The following FNIP2 variants were observed in gnomAD, a reference collection of about 807,000 sequenced individuals.
FNIP2 encodes folliculin interacting protein 2.
A neutral mutation model predicts 108.7 loss-of-function variants in FNIP2; 32 were observed. That is an observed-to-expected ratio of 0.29 (90% confidence interval 0.22 to 0.40). The LOEUF is 0.40. Among genes scored for constraint, FNIP2 ranks in the 10% least tolerant of loss-of-function variants. The pLI, the probability that FNIP2 is intolerant of heterozygous loss-of-function variation, is 1.00. For missense variants in FNIP2, 1,202 were observed against 1,381.6 expected, an observed-to-expected ratio of 0.87 and a Z score of 2.06; for synonymous variants, 480 against 496.7, an observed-to-expected ratio of 0.97 and a Z score of 0.45.
intron 1 of FNIP2, among the ~76,000 whole-genome samples, chr4:158,804,565 A>C (rs1776874946): frequency 6.6e-6 from 1 of 152,014 alleles, no homozygotes; most frequent in African/African-American, 2.4e-5. Flanking sequence ...GGCGCATGCC[A>C]CTACTCCTGG....
chr4:158,883,079 A>T (rs560150876), intron 14 of FNIP2, among the ~76,000 whole-genome samples: 4 of 152,054 alleles, frequency 2.6e-5, no homozygotes, highest in East Asian at 2.0e-4. Flanking sequence ...CAAAAAAAAT[A>T]AAATAAATAA....
rs1782544332 is a variant in FNIP2, at chr4:158,894,921, T to C, written c.3151-829T>C. Among the ~76,000 whole-genome samples, 4 of 152,228 alleles carry C rather than the reference T, an allele frequency of 2.6e-5. No homozygotes were observed. In the South Asian group the frequency reaches 8.3e-4, roughly 32 times the overall value. On this transcript the variant is annotated intron_variant, in intron 15 of 16. Transcript: ENST00000264433. Reference sequence around the variant, plus strand: ...GTCAAGATCAACATTTTCAAATGCATCTGTTAATCTTTTTACCTTGAAAAT... The same window carrying C: ...GTCAAGATCAACATTTTCAAATGCACCTGTTAATCTTTTTACCTTGAAAAT...
At chr4:158,783,575 G>A (rs994774211) in intron 1 of FNIP2, among the ~76,000 whole-genome samples, 5 of 152,136 alleles carry the variant, frequency 3.3e-5, no homozygotes, top group African/African-American at 1.2e-4. Context: ...GACCAACTCT[G>A]CCTGAAGCAC....
At chr4:158,808,921 C>T (rs779376551) in intron 1 of FNIP2, among the ~76,000 whole-genome samples, 3 of 152,076 alleles carry the variant, frequency 2.0e-5, no homozygotes, top group South Asian at 2.1e-4. Flanking sequence ...GTAAAACAGA[C>T]GGAAACAGTG....
intron 14 of FNIP2, among the ~76,000 whole-genome samples, chr4:158,881,569 G>C (rs1781634198): frequency 6.6e-6 from 1 of 150,498 alleles, no homozygotes; most frequent in South Asian, 2.1e-4. Context: ...TCCTGCCTCA[G>C]CCTGCCAAGT....
chr4:158,801,340 G>A (rs928154431), intron 1 of FNIP2, among the ~76,000 whole-genome samples: 2 of 152,196 alleles, frequency 1.3e-5, no homozygotes, highest in African/African-American at 2.4e-5. Context: ...TCAGAGGACT[G>A]AATTAGTGAG....
At chr4:158,904,431 T>TTAAAG in intron 16 of FNIP2, 35 bp from the exon 17 acceptor site, 1 of 1,530,154 alleles carries the variant, frequency 6.5e-7, no homozygotes, top group Non-Finnish European at 9.0e-7. Flanking sequence ...CCATGCTCTT[T>TTAAAG]TAAAGTAATA....
chr4:158,806,013 A>G (rs1776935436), intron 1 of FNIP2: 3 of 584,588 alleles, frequency 5.1e-6, no homozygotes, highest in Admixed American at 1.0e-4. Context: ...TGGCAGGCTT[A>G]ATTTACGTAA....
chr4:158,859,075 C>A lies in FNIP2; in HGVS notation c.876C>A (p.Phe292Leu). The A allele has an allele frequency of 6.2e-7, 1 of 1,613,918 alleles. No individual in the cohort carries two copies. The highest frequency in any genetic ancestry group is 8.5e-7 in the Non-Finnish European group (1 of 1,179,838). Reference protein sequence around the residue: ...IIPRRSTDETFSLAEETCSSN... With the variant: ...IIPRRSTDETLSLAEETCSSN... ...CCTCCAGGTCAACTGATGAGACATTCAGCTTGGCTGAAGAAACCTGTAGCT... is the reference window on the plus strand; with the variant it reads ...CCTCCAGGTCAACTGATGAGACATTAAGCTTGGCTGAAGAAACCTGTAGCT... The change falls in exon 9 of 17, where the codon TTC becomes TTA. Residue 292 changes from phenylalanine to leucine, a missense_variant. Physicochemically the swap from Phe to Leu is conservative, Grantham distance 22. Coordinates refer to ENST00000264433, the MANE Select transcript of FNIP2 (RefSeq NM_020840.3).
intron 1 of FNIP2, among the ~76,000 whole-genome samples, chr4:158,785,371 A>G (rs1444761989): frequency 6.6e-6 from 1 of 152,120 alleles, no homozygotes; most frequent in East Asian, 1.9e-4. Flanking sequence ...GGCATGAGCC[A>G]CCGCGCCTGG....
intron 1 of FNIP2, among the ~76,000 whole-genome samples, chr4:158,786,222 G>A (rs1403773823): frequency 2.0e-5 from 3 of 152,178 alleles, no homozygotes; most frequent in African/African-American, 7.2e-5. Flanking sequence ...TTGCTGAAAA[G>A]ACCACTCTGT....
intron 7 of FNIP2, among the ~76,000 whole-genome samples, chr4:158,845,027 A>G (rs1779323675): frequency 6.6e-6 from 1 of 152,226 alleles, no homozygotes; most frequent in African/African-American, 2.4e-5. Flanking sequence ...CAGATATAAA[A>G]TGTTAACAGT....
intron 7 of FNIP2, among the ~76,000 whole-genome samples, chr4:158,849,510 G>A (rs769482554): frequency 5.3e-5 from 8 of 152,188 alleles, no homozygotes; most frequent in Non-Finnish European, 1.0e-4. Flanking sequence ...GATTTGCTCA[G>A]CATAAGGGAA....
intron 1 of FNIP2, 134 bp downstream of exon 1, chr4:158,769,453 G>A (rs544504102): frequency 4.2e-6 from 2 of 480,372 alleles, no homozygotes; most frequent in African/African-American, 2.1e-5. Flanking sequence ...CTGGTCCCGG[G>A]CTTGTCAGCG....
chr4:158,887,673 G>A (rs2126763299), intron 14 of FNIP2, among the ~76,000 whole-genome samples: 1 of 134,162 alleles, frequency 7.5e-6, no homozygotes, highest in Admixed American at 8.5e-5. Flanking sequence ...GGAGGCGGAG[G>A]TTGTAGAGAG....
intron 16 of FNIP2, among the ~76,000 whole-genome samples, chr4:158,897,659 C>G (rs1782812377): frequency 1.3e-5 from 2 of 152,120 alleles, no homozygotes; most frequent in Non-Finnish European, 2.9e-5. Flanking sequence ...AGTGTCTGTT[C>G]ATATCCTTCA....
intron 14 of FNIP2, among the ~76,000 whole-genome samples, chr4:158,880,866 T>C (rs1578968406): frequency 6.6e-6 from 1 of 152,114 alleles, no homozygotes; most frequent in Admixed American, 6.5e-5. Context: ...TATAGGTGGG[T>C]CTTCTCCTCT....
Position 158,769,339 on chromosome 4 carries a change from C to T in FNIP2, c.107+20C>T, listed in dbSNP as rs1395458267. 2.7e-6 allele frequency: 4 copies of T among 1,456,118 alleles called. No individual in the cohort carries two copies. Among genetic ancestry groups the T allele is most frequent in the Non-Finnish European group, 3.6e-6 (4 of 1,097,854 alleles). 90.2% of individuals were successfully genotyped at this position (1,456,118 alleles called of 1,614,324 possible). On this transcript the variant is annotated intron_variant, in intron 1 of 16. Transcript: ENST00000264433. ...CTTTAGGTGAGGGGGCGCCGGGGGG[C>T]AATTCTGGCGCGGGACCCGAGTTGG...
chr4:158,832,572 T>C (rs1250797454), intron 5 of FNIP2, among the ~76,000 whole-genome samples: 1 of 152,236 alleles, frequency 6.6e-6, no homozygotes, highest in Non-Finnish European at 1.5e-5. Flanking sequence ...TGTACTTTGA[T>C]AAGTTTGAAA....
Sources: gnomAD v4.1 joint callset for allele counts (sites outside exome capture counted in the v4.1 genomes callset) on GRCh38, gnomAD v4.1.1 for gene constraint, MANE v1.5 for transcripts, NCBI Gene and HGNC (gene_info 2026-07-23, HGNC 2026-07-21) for gene names.